JCAD: variants seen among roughly 807,000 people sequenced by gnomAD.
The protein encoded by JCAD is junctional cadherin 5-associated protein.
In JCAD, 40 loss-of-function variants were observed where a neutral mutation model predicts 98.0. That is an observed-to-expected ratio of 0.41 (90% CI 0.32 to 0.53). The LOEUF is 0.53. JCAD is among the 20% of genes least tolerant of loss of function. The probability of loss-of-function intolerance (pLI) is 0.31; values close to 1 mark genes in which losing one functional copy is unlikely to be tolerated. For synonymous variants in JCAD, 691 were observed against 682.3 expected (o/e 1.01, Z -0.20); for missense variants, 1,705 against 1,738.1 (o/e 0.98, Z 0.34).
intron 1 of JCAD, among the ~76,000 whole-genome samples, chr10:30,089,132 T>C (rs1838214942): frequency 1.3e-5 from 2 of 152,178 alleles, no homozygotes; most frequent in Admixed American, 1.3e-4. Flanking sequence ...TATGATGGAT[T>C]GAGCACTGTG....
At chr10:30,066,321 AG>A (rs1013611776) in intron 2 of JCAD, among the ~76,000 whole-genome samples, 14 of 152,196 alleles carry the variant, frequency 9.2e-5, no homozygotes, top group Non-Finnish European at 1.8e-4. Context: ...TTACTGCATG[AG>A]AAAAATCATT....
At chr10:30,044,693 T>TTTA (rs1554797552) in intron 2 of JCAD, 3 of 332,834 alleles carry the variant, frequency 9.0e-6, no homozygotes, top group African/African-American at 2.2e-5. Flanking sequence ...TTTTTTTTTT[T>TTTA]AAATTTAAGC....
chr10:30,098,590 T>C (rs1838415730), intron 1 of JCAD, among the ~76,000 whole-genome samples: 1 of 152,244 alleles, frequency 6.6e-6, no homozygotes, highest in Non-Finnish European at 1.5e-5. Flanking sequence ...AGTTCCTGGA[T>C]TGTGCTCAAT....
At position 30,029,675 on chromosome 10, in the gene JCAD, C is replaced by T; in HGVS notation, c.473G>A (p.Gly158Glu). The T allele has an allele frequency of 6.2e-7, 1 of 1,614,242 alleles. No homozygotes were observed. Among genetic ancestry groups the T allele is most frequent in the Non-Finnish European group, 8.5e-7 (1 of 1,180,056 alleles). The change falls in exon 3 of 4, where the codon GGA becomes GAA. Residue 158 changes from glycine (G) to glutamate (E), a missense_variant. Physicochemically the swap from Gly to Glu is moderately conservative, Grantham distance 98 (BLOSUM62 -2). Transcript: ENST00000375377. ...CTTCTTCATCACATGCTCTGACCTT[C>T]CTCCAACTTCCCATGGACCCTCCCT... ...HVREGPWEVG[G>E]RSEHVMKKPV... is the part of the protein sequence containing the mutation.
intron 2 of JCAD, among the ~76,000 whole-genome samples, chr10:30,031,438 ATTTT>A (rs34213034): frequency 1.0e-5 from 1 of 97,082 alleles, no homozygotes; most frequent in Non-Finnish European, 2.0e-5. Flanking sequence ...GCCCATCTGT[ATTTT>A]TTTTTTTTTT....
At chr10:30,096,335 C>G (rs1838368182) in intron 1 of JCAD, among the ~76,000 whole-genome samples, 1 of 152,230 alleles carries the variant, frequency 6.6e-6, no homozygotes, top group East Asian at 1.9e-4. Context: ...GTTTCCTCGT[C>G]TGTAAGATGT....
intron 1 of JCAD, among the ~76,000 whole-genome samples, chr10:30,055,202 C>T (rs1223071351): frequency 1.3e-5 from 2 of 152,174 alleles, no homozygotes; most frequent in Non-Finnish European, 2.9e-5. Flanking sequence ...CTTAATTAGA[C>T]ATTGTTACTC....
intron 2 of JCAD, among the ~76,000 whole-genome samples, chr10:30,035,832 GACAAGCAGGGTC>G (rs2132628213): frequency 6.6e-6 from 1 of 152,298 alleles, no homozygotes; most frequent in African/African-American, 2.4e-5. Context: ...AGTTCAATGG[GACAAGCAGGGTC>G]TTTACACAGA....
intron 1 of JCAD, among the ~76,000 whole-genome samples, chr10:30,079,998 T>C (rs1240180519): frequency 6.6e-6 from 1 of 152,144 alleles, no homozygotes; most frequent in African/African-American, 2.4e-5. Flanking sequence ...TATATAAGTC[T>C]CTTGGCAGAA....
chr10:30,109,131 T>A (rs535133335), intron 1 of JCAD, among the ~76,000 whole-genome samples: 88 of 152,220 alleles, frequency 5.8e-4, no homozygotes, highest in South Asian at 1.0e-3. Context: ...ATCTTGATAA[T>A]CTGTCTGTGT....
At chr10:30,039,200 G>A (rs1035003141) in intron 2 of JCAD, among the ~76,000 whole-genome samples, 6 of 152,218 alleles carry the variant, frequency 3.9e-5, no homozygotes, top group Admixed American at 2.6e-4. Context: ...AGAGGACCCT[G>A]TCCCTCCACA....
intron 2 of JCAD, among the ~76,000 whole-genome samples, chr10:30,039,640 G>A (rs566152989): frequency 7.2e-5 from 11 of 152,274 alleles, no homozygotes; most frequent in Admixed American, 6.5e-4. Context: ...ACCCAAAGAC[G>A]GCTGCCCAGG....
At chr10:30,070,281 A>G (rs942232396) in intron 1 of JCAD, among the ~76,000 whole-genome samples, 1 of 152,188 alleles carries the variant, frequency 6.6e-6, no homozygotes. Flanking sequence ...GGCCCTGGTA[A>G]CTGTTGCAAT....
Position 30,029,694 on chromosome 10 carries a change from C to T in JCAD, c.454G>A (p.Gly152Ser), listed in dbSNP as rs756129522. The change falls in exon 3 of 4, where the codon GGT (glycine) becomes AGT (serine). Residue 152 changes from glycine to serine, a missense_variant. By Grantham distance (56) the Gly-to-Ser change is moderately conservative. This residue lies in a region of JCAD where 275 missense variants were observed against 346.9 expected (regional missense o/e 0.79). Transcript: ENST00000375377. ...GACCTTCCTCCAACTTCCCATGGAC[C>T]CTCCCTCACGTGGACAGGCAGGCTG... ...AHSLPVHVRE[G>S]PWEVGGRSEH... The T allele has an allele frequency of 1.7e-5, 28 of 1,614,212 alleles. 2 individuals carry two copies. Among genetic ancestry groups the T allele is most frequent in the Non-Finnish European group, 1.7e-5 (20 of 1,180,034 alleles).
At chr10:30,044,360 T>A (rs1837294780) in intron 2 of JCAD, among the ~76,000 whole-genome samples, 1 of 152,196 alleles carries the variant, frequency 6.6e-6, no homozygotes, top group Non-Finnish European at 1.5e-5. Context: ...TTGATCTCCA[T>A]CTTTCCCAGG....
intron 2 of JCAD, among the ~76,000 whole-genome samples, chr10:30,037,934 T>TAA (rs57504197): frequency 0.012 from 1,313 of 109,264 alleles, 19 homozygotes; most frequent in African/African-American, 0.018. Context: ...ATGGAAAAAT[T>TAA]AAAAAAAAAA....
At chr10:30,024,579 G>A (rs1184062924) in intron 3 of JCAD, among the ~76,000 whole-genome samples, 3 of 151,942 alleles carry the variant, frequency 2.0e-5, no homozygotes, top group African/African-American at 7.3e-5. Flanking sequence ...GGGCCCCGAC[G>A]AAGGATTATT....
upstream of JCAD, among the ~76,000 whole-genome samples, chr10:30,062,166 G>A (rs1375135107): frequency 6.6e-6 from 1 of 152,194 alleles, no homozygotes; most frequent in Non-Finnish European, 1.5e-5. Flanking sequence ...ATAAGAAATT[G>A]TATTTTAGCA....
rs1014834332 is a variant in JCAD at position 30,013,924 on chromosome 10, G to C, written c.*3959C>G. ...CTGCTGATGAACCAAGGACTGTTTC[G>C]ACAGGCAGGTTGCTAGCCCACATCA... is the stretch of plus-strand genomic sequence containing the variant. On this transcript the variant is annotated 3_prime_UTR_variant, in exon 4 of 4. Coordinates refer to ENST00000375377, the MANE Select transcript of JCAD (RefSeq NM_020848.4). The C allele has an allele frequency of 6.6e-6, 1 of 152,226 alleles. No individual in the cohort carries two copies. Among genetic ancestry groups the C allele is most frequent in the South Asian group, 2.1e-4 (1 of 4,832 alleles). The allele number at this position is 152,226 out of a possible 1,614,324, so 9.4% of individuals were successfully genotyped here. A position where few individuals can be genotyped will look rare whatever the true frequency, so the allele number is the denominator to read the frequency against.
Sources: gnomAD v4.1 joint callset for allele counts (sites outside exome capture counted in the v4.1 genomes callset) on GRCh38, gnomAD v4.1.1 for gene constraint, gnomAD v4.1.1 regional missense constraint, MANE v1.5 for transcripts, NCBI Gene and HGNC (gene_info 2026-07-23, HGNC 2026-07-21) for gene names.